Variants in TCEA3 observed in about 807,000 individuals in gnomAD.
TCEA3 encodes the protein transcription elongation factor A protein 3.
In TCEA3, 36 loss-of-function variants were observed where a neutral mutation model predicts 44.0. That is an observed-to-expected ratio of 0.82 (90% CI 0.63 to 1.08). The LOEUF (loss-of-function observed/expected upper bound fraction) is 1.08, where lower values mean the gene tolerates loss of function less well. TCEA3 is among the 50% of genes least tolerant of loss of function. The probability of loss-of-function intolerance (pLI) is 0.00; values close to 1 mark genes in which losing one functional copy is unlikely to be tolerated. For missense variants in TCEA3, 392 were observed against 441.2 expected (o/e 0.89, Z 1.00); for synonymous variants, 162 against 159.7 (o/e 1.01, Z -0.11).
At chr1:23,405,039 G>A (rs1455076951) in intron 5 of TCEA3, among the ~76,000 whole-genome samples, 2 of 152,106 alleles carry the variant, frequency 1.3e-5, no homozygotes, top group Non-Finnish European at 2.9e-5. Context: ...ATGGCACCCT[G>A]GACCTGCATT....
In TCEA3 at chr1:23,394,515, A is replaced by G. The variant is rs1424601870; in HGVS notation, c.665-482T>C. The stretch of plus-strand genomic sequence containing the variant: ...TTTGGAAGGGCCCCTGGAGGTTGTG[A>G]GTCCAGCTGTCAGAGGAAAAGATTA... On this transcript the variant is annotated intron_variant, in intron 7 of 10. Transcript: ENST00000450454. Among the ~76,000 whole-genome samples the G allele has an allele frequency of 2.0e-5, 3 of 152,334 alleles. No individual in the cohort carries two copies. In the East Asian group the frequency reaches 5.8e-4, roughly 29 times the overall value.
At chr1:23,414,124 T>A (rs567259606) in intron 4 of TCEA3, among the ~76,000 whole-genome samples, 45 of 152,246 alleles carry the variant, frequency 3.0e-4, no homozygotes, top group African/African-American at 1.0e-3. Context: ...TCTCATTCTG[T>A]AGCACAGGCT....
At chr1:23,393,776 C>T in intron 8 of TCEA3, 103 bp downstream of exon 8, 1 of 1,454,954 alleles carries the variant, frequency 6.9e-7, no homozygotes, top group Non-Finnish European at 9.1e-7. Flanking sequence ...TTGAAAAGCT[C>T]CCTGGCTCAC....
In TCEA3 at chr1:23,381,437, C is replaced by T. The variant is rs1207164127; in HGVS notation, c.*29G>A. On this transcript the variant is annotated 3_prime_UTR_variant, in exon 11 of 11. Coordinates refer to ENST00000450454, the MANE Select transcript of TCEA3 (RefSeq NM_003196.3). ...AATTCAGCGCTTCCTCTTTCTTCTTCCTCACCTTGTTCATGGCTGGCTGTT... is the reference window on the plus strand; with the variant it reads ...AATTCAGCGCTTCCTCTTTCTTCTTTCTCACCTTGTTCATGGCTGGCTGTT... The T allele has an allele frequency of 1.3e-6, 1 of 780,396 alleles. No individual in the cohort carries two copies. Among genetic ancestry groups the T allele is most frequent in the Admixed American group, 1.7e-5 (1 of 58,862 alleles). The allele number at this position is 780,396 out of a possible 1,614,324, so 48.3% of individuals were successfully genotyped here. A position where few individuals can be genotyped will look rare whatever the true frequency, so the allele number is the denominator to read the frequency against.
intron 10 of TCEA3, chr1:23,384,091 C>G: frequency 7.5e-7 from 1 of 1,326,638 alleles, no homozygotes; most frequent in Non-Finnish European, 9.6e-7. Context: ...GACAGACTTG[C>G]TCATCCTGTG....
At chr1:23,384,940 CT>C (rs1471083831) in intron 9 of TCEA3, among the ~76,000 whole-genome samples, 4 of 152,174 alleles carry the variant, frequency 2.6e-5, no homozygotes, top group Admixed American at 2.6e-4. Context: ...TGACTCACCC[CT>C]GAACACATCC....
chr1:23,419,478 G>T (rs549907043), intron 1 of TCEA3: 32 of 219,318 alleles, frequency 1.5e-4, no homozygotes, highest in African/African-American at 6.1e-4. Context: ...TGCCTGTAGC[G>T]TCCTTCCCTT....
intron 1 of TCEA3, among the ~76,000 whole-genome samples, chr1:23,422,694 C>T (rs539111894): frequency 6.6e-6 from 1 of 152,278 alleles, no homozygotes; most frequent in South Asian, 2.1e-4. Context: ...TGCAGGGACC[C>T]TGCGGCCAGA....
chr1:23,397,750 G>A (rs1639261617), intron 6 of TCEA3, 42 bp downstream of exon 6: 1 of 1,613,182 alleles, frequency 6.2e-7, no homozygotes, highest in Non-Finnish European at 8.5e-7. Flanking sequence ...ATTGGGAAAA[G>A]GGACTCCTTC....
intron 7 of TCEA3, among the ~76,000 whole-genome samples, chr1:23,396,954 G>A (rs989278583): frequency 1.0e-4 from 15 of 147,886 alleles, no homozygotes; most frequent in East Asian, 4.0e-4. Flanking sequence ...GCAGTGAGGC[G>A]AGATTGCGCC....
chr1:23,419,415 C>CT (rs1203082229), intron 1 of TCEA3: 10 of 341,826 alleles, frequency 2.9e-5, no homozygotes, highest in Admixed American at 2.9e-4. Flanking sequence ...TGCCCTCCCC[C>CT]TTCCCCATCT....
chr1:23,395,949 G>A (rs1639204591), intron 7 of TCEA3, among the ~76,000 whole-genome samples: 1 of 152,186 alleles, frequency 6.6e-6, no homozygotes, highest in Non-Finnish European at 1.5e-5. Flanking sequence ...TGCTTGGAGG[G>A]ATGACTGTTC....
intron 8 of TCEA3, among the ~76,000 whole-genome samples, chr1:23,387,725 G>A (rs1455975350): frequency 6.6e-6 from 1 of 152,172 alleles, no homozygotes; most frequent in Non-Finnish European, 1.5e-5. Context: ...CTGCCTGCCA[G>A]GACCTTGGCC....
intron 7 of TCEA3, among the ~76,000 whole-genome samples, chr1:23,395,331 G>A (rs1639183533): frequency 1.3e-5 from 2 of 152,230 alleles, no homozygotes; most frequent in African/African-American, 4.8e-5. Flanking sequence ...GAGGGGACGA[G>A]GCAGAGAGCA....
chr1:23,422,254 G>A (rs970978634), intron 1 of TCEA3, among the ~76,000 whole-genome samples: 1 of 152,178 alleles, frequency 6.6e-6, no homozygotes, highest in African/African-American at 2.4e-5. Context: ...GTCAATGTGG[G>A]TCATATGGGT....
At chr1:23,397,668 C>T (rs2148558936) in intron 6 of TCEA3, 67 bp from the exon 7 acceptor site, 1 of 1,604,618 alleles carries the variant, frequency 6.2e-7, no homozygotes, top group East Asian at 2.2e-5. Flanking sequence ...CTGCTTGTAC[C>T]TGGGACTAGA....
At chr1:23,388,346 T>C (rs1052211761) in intron 8 of TCEA3, among the ~76,000 whole-genome samples, 4 of 151,428 alleles carry the variant, frequency 2.6e-5, no homozygotes, top group Admixed American at 6.6e-5. Context: ...TACAGGCTCA[T>C]GCCACCACAC....
chr1:23,397,657 C>T, intron 6 of TCEA3, 56 bp from the exon 7 acceptor site: 1 of 1,604,410 alleles, frequency 6.2e-7, no homozygotes, highest in South Asian at 1.1e-5. Context: ...GGCAGTGAAG[C>T]CTGCTTGTAC....
rs573807185 is a variant in TCEA3, at chr1:23,397,455, T to C, written c.664+90A>G. ...GGGGCTGTTCCCGGAGCCCTTCCTCTCCTTCCTCACTCTCCCAGCTCGCTT... is the reference window on the plus strand; with the variant it reads ...GGGGCTGTTCCCGGAGCCCTTCCTCCCCTTCCTCACTCTCCCAGCTCGCTT... On this transcript the variant is annotated intron_variant, in intron 7 of 10. Transcript: ENST00000450454. 2.7e-5 allele frequency: 33 copies of C among 1,242,858 alleles called. No homozygotes were observed. In the South Asian group the frequency reaches 4.1e-4, roughly 15 times the overall value. 77.0% of individuals were successfully genotyped at this position (1,242,858 alleles called of 1,614,324 possible). A position where few individuals can be genotyped will look rare whatever the true frequency, so the allele number is the denominator to read the frequency against.
Sources: allele counts gnomAD v4.1 joint callset (sites outside exome capture counted in the v4.1 genomes callset), GRCh38; gene constraint gnomAD v4.1.1; transcripts MANE v1.5; gene names NCBI Gene and HGNC (gene_info 2026-07-23, HGNC 2026-07-21).